The following PDGFRL variants were observed in gnomAD, a reference collection of about 807,000 sequenced individuals.
The protein encoded by PDGFRL is platelet-derived growth factor receptor-like protein.
In PDGFRL, 46 loss-of-function variants were observed where a neutral mutation model predicts 37.2. That is an observed-to-expected ratio of 1.24 (90% CI 0.98 to 1.58). The LOEUF is 1.58. Among genes scored for constraint, PDGFRL ranks in the 40% most tolerant of loss-of-function variants. The pLI is 0.00. For synonymous variants in PDGFRL, 251 were observed against 184.3 expected (o/e 1.36, Z -2.93); for missense variants, 692 against 467.6 (o/e 1.48, Z -4.43).
chr8:17,642,576 C>G, intron 5 of PDGFRL, 37 bp from the exon 6 acceptor site: 1 of 1,319,158 alleles, frequency 7.6e-7, no homozygotes, highest in Non-Finnish European at 1.1e-6. Flanking sequence ...AGCAGCTTGT[C>G]CCTCTTGCTT....
intron 1 of PDGFRL, among the ~76,000 whole-genome samples, chr8:17,583,755 G>C (rs1482507896): frequency 6.6e-6 from 1 of 152,098 alleles, no homozygotes; most frequent in Non-Finnish European, 1.5e-5. Flanking sequence ...ACTAATTCAT[G>C]TAAGAGCTGG....
At chr8:17,589,287 C>G (rs1310110645) in intron 1 of PDGFRL, among the ~76,000 whole-genome samples, 181 bp from the exon 2 acceptor site, 1 of 151,696 alleles carries the variant, frequency 6.6e-6, no homozygotes, top group Non-Finnish European at 1.5e-5. Context: ...TCAGGGTGCT[C>G]AGGCAAGAGA....
In PDGFRL at chr8:17,628,562, T is replaced by C; in HGVS notation, c.581T>C (p.Val194Ala). 1 of 1,614,062 alleles carries C rather than the reference T, an allele frequency of 6.2e-7. No homozygotes were observed. Among genetic ancestry groups the C allele is most frequent in the Non-Finnish European group, 8.5e-7 (1 of 1,179,898 alleles). Residue 194 changes from valine (V) to alanine (A), a missense_variant, in exon 4 of 6, where the codon GTT becomes GCT. Val to Ala is a moderately conservative substitution (Grantham distance 64). Coordinates refer to ENST00000251630, the MANE Select transcript of PDGFRL (RefSeq NM_001372073.1). ...TTGAACCCGGACAGACAGGCTGTGG[T>C]TCCTTGTCGGGTGACCGTGCTGTCG... ...VYLNPDRQAV[V>A]PCRVTVLSAK...
chr8:17,606,842 C>T lies in PDGFRL; in HGVS notation c.354-14209C>T, dbSNP rs557067762. ...GCTATTTCTGTTCACCATACTGTAC[C>T]CAAAGGAGGTAAATCATAAGAAACA... On this transcript the variant is annotated intron_variant, in intron 2 of 5. Transcript: ENST00000251630. 5.3e-5 allele frequency among the ~76,000 whole-genome samples: 8 copies of T among 151,716 alleles called. 1 individual carries two copies. In the East Asian group the frequency reaches 1.2e-3, roughly 22 times the overall value.
At chr8:17,626,471 C>T (rs189313345) in intron 3 of PDGFRL, among the ~76,000 whole-genome samples, 6 of 152,228 alleles carry the variant, frequency 3.9e-5, no homozygotes. Context: ...ACTTACAGCC[C>T]AAGAACTCTT....
At chr8:17,632,160 C>T (rs2588261) in intron 4 of PDGFRL, among the ~76,000 whole-genome samples, 44,377 of 152,108 alleles carry the variant, frequency 0.29, 9,894 homozygotes, top group African/African-American at 0.61. Flanking sequence ...TAACCTCCCT[C>T]CTCCTCCCGA....
At chr8:17,617,667 G>A (rs991280301) in intron 2 of PDGFRL, among the ~76,000 whole-genome samples, 2 of 152,136 alleles carry the variant, frequency 1.3e-5, no homozygotes, top group South Asian at 4.1e-4. Flanking sequence ...TAGAAGAGGG[G>A]GTGGAAAAAT....
At chr8:17,615,239 G>T (rs1054988637) in intron 2 of PDGFRL, among the ~76,000 whole-genome samples, 4 of 152,232 alleles carry the variant, frequency 2.6e-5, no homozygotes, top group Admixed American at 1.3e-4. Flanking sequence ...AGAAAACAGT[G>T]TACCGTTTCT....
At chr8:17,598,097 G>A (rs1804091449) in intron 2 of PDGFRL, among the ~76,000 whole-genome samples, 1 of 152,236 alleles carries the variant, frequency 6.6e-6, no homozygotes, top group South Asian at 2.1e-4. Context: ...CACAGAGAAA[G>A]CATTCAATTT....
At chr8:17,618,334 G>A (rs1804569004) in intron 2 of PDGFRL, among the ~76,000 whole-genome samples, 1 of 152,122 alleles carries the variant, frequency 6.6e-6, no homozygotes, top group Non-Finnish European at 1.5e-5. Context: ...GGGATTATAG[G>A]CATGAACCAC....
intron 2 of PDGFRL, among the ~76,000 whole-genome samples, chr8:17,592,201 A>G (rs2588152): frequency 0.79 from 120,500 of 152,166 alleles, 50,023 homozygotes; most frequent in Non-Finnish European, 0.93. Flanking sequence ...TGTTCTTACC[A>G]TGAAAAGTAA....
intron 4 of PDGFRL, among the ~76,000 whole-genome samples, chr8:17,631,717 G>T (rs1311211440): frequency 6.6e-6 from 1 of 152,090 alleles, no homozygotes; most frequent in African/African-American, 2.4e-5. Flanking sequence ...ATTAAAGTCT[G>T]TCCCTGTCCT....
chr8:17,601,139 C>T (rs1804158039), intron 2 of PDGFRL, among the ~76,000 whole-genome samples: 1 of 152,208 alleles, frequency 6.6e-6, no homozygotes, highest in Non-Finnish European at 1.5e-5. Context: ...ACTCCCGCAT[C>T]CAACCAATGA....
At chr8:17,602,908 G>C (rs941937643) in intron 2 of PDGFRL, among the ~76,000 whole-genome samples, 3 of 152,194 alleles carry the variant, frequency 2.0e-5, no homozygotes, top group Non-Finnish European at 2.9e-5. Context: ...AGCCTTTCAG[G>C]CTACGTAGTG....
At position 17,600,042 on chromosome 8, in the gene PDGFRL, A is replaced by G. The variant is rs1585309493; in HGVS notation, c.353+10277A>G. Among the ~76,000 whole-genome samples, 3 of 152,320 alleles carry G rather than the reference A, an allele frequency of 2.0e-5. No individual in the cohort carries two copies. In the South Asian group the frequency reaches 6.2e-4, roughly 32 times the overall value. On this transcript the variant is annotated intron_variant, in intron 2 of 5. Coordinates refer to ENST00000251630, the MANE Select transcript of PDGFRL (RefSeq NM_001372073.1). ...CTGCCTTGACCCCCATGCACCCTGCAGCCATCTTCCTCTCTGATAACCTTC... is the reference window on the plus strand; with the variant it reads ...CTGCCTTGACCCCCATGCACCCTGCGGCCATCTTCCTCTCTGATAACCTTC...
chr8:17,584,179 A>G (rs2150808830), intron 1 of PDGFRL, among the ~76,000 whole-genome samples: 1 of 152,280 alleles, frequency 6.6e-6, no homozygotes, highest in African/African-American at 2.4e-5. Context: ...GGAGAGGAAA[A>G]TTTAAAACAA....
In PDGFRL at chr8:17,628,584, G is replaced by A. The variant is rs774337729; in HGVS notation, c.603G>A (p.Leu201=). ...TGGTTCCTTGTCGGGTGACCGTGCT[G>A]TCGGCCAAAGTCACGCTCCACAGGG... The part of the protein sequence containing the change: ...QAVVPCRVTV[L]SAKVTLHREF... Residue 201 remains leucine, a synonymous_variant, in exon 4 of 6, where the codon CTG becomes CTA. Transcript: ENST00000251630. 1.4e-5 allele frequency: 22 copies of A among 1,614,052 alleles called. No homozygotes were observed. In the South Asian group the frequency reaches 2.3e-4, roughly 17 times the overall value.
At chr8:17,619,988 GGTC>G (rs1179687605) in intron 2 of PDGFRL, among the ~76,000 whole-genome samples, 1 of 152,050 alleles carries the variant, frequency 6.6e-6, no homozygotes, top group Non-Finnish European at 1.5e-5. Flanking sequence ...TTAGAGACAG[GGTC>G]TTGCTCTGTC....
At chr8:17,592,552 C>A (rs574717849) in intron 2 of PDGFRL, among the ~76,000 whole-genome samples, 1 of 152,316 alleles carries the variant, frequency 6.6e-6, no homozygotes, top group Admixed American at 6.5e-5. Context: ...CACCTCTAAT[C>A]TCGATCAGAC....
Sources: allele counts gnomAD v4.1 joint callset (sites outside exome capture counted in the v4.1 genomes callset), GRCh38; gene constraint gnomAD v4.1.1; transcripts MANE v1.5; gene names NCBI Gene and HGNC (gene_info 2026-07-23, HGNC 2026-07-21).